ST8SIA4: variants seen among roughly 807,000 people sequenced by gnomAD.
ST8SIA4 encodes ST8 alpha-N-acetyl-neuraminide alpha-2,8-sialyltransferase 4.
ST8SIA4 carries 15 observed loss-of-function variants against 33.9 expected under a neutral mutation model. The observed-to-expected ratio is 0.44, with a 90% CI of 0.30 to 0.68. The LOEUF is 0.68. ST8SIA4 is among the 30% of genes least tolerant of loss of function. The probability of loss-of-function intolerance (pLI) is 0.10; values close to 1 mark genes in which losing one functional copy is unlikely to be tolerated. For missense variants in ST8SIA4, 321 were observed against 428.0 expected (o/e 0.75, Z 2.21); for synonymous variants, 171 against 151.2 (o/e 1.13, Z -0.96).
intron 2 of ST8SIA4, 145 bp downstream of exon 2, chr5:100,895,509 G>A: frequency 2.7e-6 from 2 of 728,070 alleles, no homozygotes; most frequent in South Asian, 4.8e-5. Context: ...ATTCTTCAGT[G>A]AGCAACATTA....
chr5:100,839,404 T>C (rs1156647072), intron 4 of ST8SIA4, among the ~76,000 whole-genome samples: 1 of 151,994 alleles, frequency 6.6e-6, no homozygotes, highest in Non-Finnish European at 1.5e-5. Flanking sequence ...TTAAATTTAA[T>C]GAAATGCTTC....
At chr5:100,892,257 C>T (rs1000526267) in intron 2 of ST8SIA4, among the ~76,000 whole-genome samples, 1 of 152,022 alleles carries the variant, frequency 6.6e-6, no homozygotes, top group Non-Finnish European at 1.5e-5. Context: ...ATCTCCCGTA[C>T]GATGTTCACA....
intron 4 of ST8SIA4, among the ~76,000 whole-genome samples, chr5:100,837,212 T>C (rs1188175230): frequency 2.0e-5 from 3 of 152,030 alleles, no homozygotes; most frequent in Non-Finnish European, 4.4e-5. Context: ...TTTTTCTTTG[T>C]CCAAAATATT....
At chr5:100,876,366 G>A (rs191381635) in intron 3 of ST8SIA4, among the ~76,000 whole-genome samples, 6 of 152,122 alleles carry the variant, frequency 3.9e-5, no homozygotes, top group Admixed American at 6.5e-5. Context: ...TCCTCAAGCA[G>A]GTGAGAAATG....
At chr5:100,832,006 A>G (rs1242681362) in intron 4 of ST8SIA4, among the ~76,000 whole-genome samples, 1 of 152,042 alleles carries the variant, frequency 6.6e-6, no homozygotes, top group African/African-American at 2.4e-5. Flanking sequence ...AAATATTTAG[A>G]AGGAAGGAAC....
intron 4 of ST8SIA4, among the ~76,000 whole-genome samples, chr5:100,831,971 C>T (rs949191455): frequency 1.3e-5 from 2 of 151,946 alleles, no homozygotes; most frequent in Admixed American, 6.6e-5. Context: ...AGAACCATAA[C>T]TTTATTTAAA....
intron 3 of ST8SIA4, among the ~76,000 whole-genome samples, chr5:100,862,867 A>G (rs1751978860): frequency 1.3e-5 from 2 of 152,226 alleles, no homozygotes; most frequent in Admixed American, 6.5e-5. Flanking sequence ...CATAGTTTTA[A>G]GTAATAGAGG....
intron 2 of ST8SIA4, among the ~76,000 whole-genome samples, chr5:100,893,685 T>C (rs1416817093): frequency 2.0e-5 from 3 of 152,180 alleles, no homozygotes; most frequent in Admixed American, 6.5e-5. Context: ...CCAGATATAA[T>C]ACTTGAACTA....
intron 4 of ST8SIA4, 70 bp from the exon 5 acceptor site, chr5:100,812,199 T>C (rs1374714561): frequency 2.3e-6 from 3 of 1,317,376 alleles, no homozygotes; most frequent in Admixed American, 2.4e-5. Flanking sequence ...CTATAGCAAG[T>C]ATATAATGCA....
Position 100,886,392 on chromosome 5 carries a change from AC to A in ST8SIA4, c.453del (p.Leu152Ter). On this transcript the variant is annotated frameshift_variant, in exon 3 of 5. Transcript: ENST00000231461. LOFTEE classifies it high-confidence loss of function. ...TCAVVGNSGI[L>X]LDSECGKEID... is the part of the protein sequence containing the mutation. The stretch of plus-strand genomic sequence containing the variant: ...ATCTCCTTTCCACATTCACTGTCTA[AC>A]AGAATGCCAGAATTTCCAACAACTG... 6.2e-7 allele frequency: 1 copy of A among 1,613,906 alleles called. No individual in the cohort carries two copies. The highest frequency in any genetic ancestry group is 8.5e-7 in the Non-Finnish European group (1 of 1,179,794).
chr5:100,811,971 T>G lies in ST8SIA4; in HGVS notation c.956A>C (p.Asp319Ala), dbSNP rs1750825300. Residue 319 changes from aspartate (D) to alanine (A), a missense_variant, in exon 5 of 5, where the codon GAC becomes GCC. Physicochemically the swap from Asp to Ala is moderately radical, Grantham distance 126. Transcript: ENST00000231461. ...ATTGGAAAAGTACCTATATTTTAAG[T>G]CATCATAATAATGATATTTGACCGC... is the stretch of plus-strand genomic sequence containing the variant. ...GKAVKYHYYD[D>A]LKYRYFSNAS... is the part of the protein sequence containing the mutation. 1 of 1,614,154 alleles carries G rather than the reference T, an allele frequency of 6.2e-7. No individual in the cohort carries two copies. Among genetic ancestry groups the G allele is most frequent in the Non-Finnish European group, 8.5e-7 (1 of 1,180,006 alleles).
At chr5:100,876,067 C>T (rs545169627) in intron 3 of ST8SIA4, among the ~76,000 whole-genome samples, 2 of 152,102 alleles carry the variant, frequency 1.3e-5, no homozygotes, top group East Asian at 3.9e-4. Context: ...AAAACAAAGA[C>T]ATAAAGCCTA....
chr5:100,860,212 T>A (rs1751906889), intron 3 of ST8SIA4, among the ~76,000 whole-genome samples: 1 of 152,172 alleles, frequency 6.6e-6, no homozygotes. Context: ...TTGTTAATAT[T>A]CAGACAAATT....
At position 100,856,133 on chromosome 5, in the gene ST8SIA4, G is replaced by A. The variant is rs751197825; in HGVS notation, c.767C>T (p.Pro256Leu). 2 of 1,613,840 alleles carry A rather than the reference G, an allele frequency of 1.2e-6. No individual in the cohort carries two copies. The highest frequency in any genetic ancestry group is 1.7e-6 in the Non-Finnish European group (2 of 1,179,916). ...GACAGCATGAATAAGTCTCAATGAC[G>A]GATAGGCAGTTCGCACTTTCAGTTT... ...KNKLKVRTAY[P>L]SLRLIHAVRG... Residue 256 changes from proline (P) to leucine (L), a missense_variant, in exon 4 of 5, where the codon CCG becomes CTG. By Grantham distance (98) the Pro-to-Leu change is moderately conservative (BLOSUM62 -3). Transcript: ENST00000231461.
chr5:100,896,419 C>T (rs1752781989), intron 1 of ST8SIA4, among the ~76,000 whole-genome samples: 1 of 151,902 alleles, frequency 6.6e-6, no homozygotes, highest in South Asian at 2.1e-4. Flanking sequence ...AAGTAGAGAA[C>T]AGAATATTGG....
At chr5:100,818,975 A>C (rs1750985732) in intron 4 of ST8SIA4, among the ~76,000 whole-genome samples, 1 of 152,144 alleles carries the variant, frequency 6.6e-6, no homozygotes, top group Non-Finnish European at 1.5e-5. Context: ...ATGTTAAGAA[A>C]TTCTAGATCT....
intron 2 of ST8SIA4, among the ~76,000 whole-genome samples, chr5:100,894,795 T>A (rs1049864847): frequency 3.9e-5 from 6 of 152,082 alleles, no homozygotes; most frequent in African/African-American, 1.2e-4. Context: ...TAGCCCCTTA[T>A]ATCTTAGTCA....
At chr5:100,813,500 TTTTATAAG>T (rs1750853874) in intron 4 of ST8SIA4, among the ~76,000 whole-genome samples, 1 of 152,024 alleles carries the variant, frequency 6.6e-6, no homozygotes, top group Admixed American at 6.6e-5. Context: ...GTAAAGACGA[TTTTATAAG>T]AAATTTTCAG....
intron 4 of ST8SIA4, among the ~76,000 whole-genome samples, chr5:100,851,052 T>C (rs532853344): frequency 1.6e-4 from 23 of 145,622 alleles, no homozygotes; most frequent in South Asian, 4.5e-4. Flanking sequence ...CTCTGCCCCC[T>C]GGGCTTAAGC....
Sources: gnomAD v4.1 joint callset for allele counts (sites outside exome capture counted in the v4.1 genomes callset) on GRCh38, gnomAD v4.1.1 for gene constraint, MANE v1.5 for transcripts, NCBI Gene and HGNC (gene_info 2026-07-23, HGNC 2026-07-21) for gene names.